The following APBA2 variants were observed in gnomAD, a reference collection of about 807,000 sequenced individuals.
APBA2 encodes the protein amyloid beta precursor protein binding family A member 2.
Under a neutral mutation model 75.0 loss-of-function variants are expected in APBA2, and 30 were observed. The observed-to-expected ratio is 0.40, with a 90% CI of 0.30 to 0.54. The LOEUF (loss-of-function observed/expected upper bound fraction) is 0.54, where lower values mean the gene tolerates loss of function less well. Ranked by LOEUF, APBA2 falls within the 20% of genes least tolerant of loss-of-function variation. The pLI is 0.49. For synonymous variants in APBA2, 444 were observed against 409.6 expected (o/e 1.08, Z -1.01); for missense variants, 801 against 1,016.1 (o/e 0.79, Z 2.88).
At chr15:29,015,147 A>C (rs553865015) in intron 3 of APBA2, among the ~76,000 whole-genome samples, 1 of 152,172 alleles carries the variant, frequency 6.6e-6, no homozygotes, top group African/African-American at 2.4e-5. Flanking sequence ...GTCAAGGGAA[A>C]TAAGGAGAAA....
At chr15:28,892,109 C>T (rs760599900) in intron 1 of APBA2, among the ~76,000 whole-genome samples, 19 of 152,184 alleles carry the variant, frequency 1.2e-4, no homozygotes, top group Admixed American at 3.3e-4. Context: ...GAGTCTCGCC[C>T]TGTCACCCAG....
At chr15:29,101,497 G>A in intron 9 of APBA2, 102 bp from the exon 10 acceptor site, 2 of 1,343,684 alleles carry the variant, frequency 1.5e-6, no homozygotes, top group South Asian at 1.3e-5. Flanking sequence ...CTCCCAAAGT[G>A]CTAGGATTAC....
chr15:29,060,903 G>T (rs2042103449), intron 4 of APBA2, among the ~76,000 whole-genome samples: 1 of 152,142 alleles, frequency 6.6e-6, no homozygotes, highest in East Asian at 1.9e-4. Context: ...TCTACTATCA[G>T]GCAGTGAAGC....
At chr15:29,026,869 C>T (rs551493102) in intron 3 of APBA2, among the ~76,000 whole-genome samples, 23 of 152,200 alleles carry the variant, frequency 1.5e-4, no homozygotes, top group Non-Finnish European at 2.6e-4. Context: ...TGCAGTGAGC[C>T]GAGATCCTGC....
intron 6 of APBA2, 90 bp from the exon 7 acceptor site, chr15:29,092,985 C>T (rs1326062910): frequency 1.2e-5 from 19 of 1,546,150 alleles, no homozygotes; most frequent in Admixed American, 1.7e-5. Flanking sequence ...ATCCTGGCTG[C>T]CGTGTTCCTT....
chr15:28,985,860 G>A (rs1297094155), intron 2 of APBA2, among the ~76,000 whole-genome samples: 1 of 152,186 alleles, frequency 6.6e-6, no homozygotes, highest in Admixed American at 6.5e-5. Context: ...AAGGACAGAT[G>A]TGTTGGTGGC....
intron 3 of APBA2, among the ~76,000 whole-genome samples, chr15:29,042,893 A>G (rs759927961): frequency 2.0e-5 from 3 of 152,096 alleles, no homozygotes; most frequent in African/African-American, 4.8e-5. Flanking sequence ...TTTCTCCAGC[A>G]TGTTAAGAAA....
intron 14 of APBA2, among the ~76,000 whole-genome samples, chr15:29,116,403 T>G (rs369413004): frequency 2.1e-4 from 32 of 151,964 alleles, no homozygotes; most frequent in East Asian, 7.8e-4. Flanking sequence ...GAGGCGGGCG[T>G]ATCACGAGGT....
At chr15:29,081,053 C>T (rs2043062847) in intron 6 of APBA2, among the ~76,000 whole-genome samples, 1 of 152,030 alleles carries the variant, frequency 6.6e-6, no homozygotes, top group African/African-American at 2.4e-5. Flanking sequence ...ATGGAGATTA[C>T]ATGCCCCAGA....
At chr15:29,023,518 C>G (rs1395926056) in intron 3 of APBA2, among the ~76,000 whole-genome samples, 1 of 130,258 alleles carries the variant, frequency 7.7e-6, no homozygotes, top group African/African-American at 2.9e-5. Context: ...TGTAGTGGCG[C>G]GATCTTGGCT....
intron 3 of APBA2, among the ~76,000 whole-genome samples, chr15:29,019,172 A>G (rs1231137633): frequency 2.0e-5 from 3 of 152,088 alleles, no homozygotes; most frequent in Non-Finnish European, 4.4e-5. Flanking sequence ...GTGCTCTTGG[A>G]GTGAGGGCCC....
intron 2 of APBA2, among the ~76,000 whole-genome samples, chr15:28,992,645 G>A (rs546280425): frequency 6.6e-6 from 1 of 152,320 alleles, no homozygotes; most frequent in East Asian, 1.9e-4. Flanking sequence ...TGGATTCTGG[G>A]CTAGTCTAGG....
chr15:28,983,114 G>A (rs901237053), intron 2 of APBA2, among the ~76,000 whole-genome samples: 2 of 152,104 alleles, frequency 1.3e-5, no homozygotes, highest in African/African-American at 2.4e-5. Context: ...CCCTGGAGAG[G>A]CATCACTGTC....
At chr15:29,073,502 C>T (rs1262642935) in intron 4 of APBA2, among the ~76,000 whole-genome samples, 1 of 152,196 alleles carries the variant, frequency 6.6e-6, no homozygotes, top group Non-Finnish European at 1.5e-5. Flanking sequence ...AGGCATCCAC[C>T]ACCATGCCCG....
intron 4 of APBA2, among the ~76,000 whole-genome samples, chr15:29,073,252 C>G (rs1432520449): frequency 6.6e-6 from 1 of 152,244 alleles, no homozygotes; most frequent in Non-Finnish European, 1.5e-5. Context: ...CAGCCCAACA[C>G]TTGGGGTCTC....
intron 13 of APBA2, among the ~76,000 whole-genome samples, chr15:29,112,379 T>C (rs2044781606): frequency 6.6e-6 from 1 of 152,168 alleles, no homozygotes; most frequent in Non-Finnish European, 1.5e-5. Context: ...AGATGAGATA[T>C]GGGCCAGCTG....
At chr15:29,004,498 C>G (rs2039010589) in intron 3 of APBA2, among the ~76,000 whole-genome samples, 1 of 152,160 alleles carries the variant, frequency 6.6e-6, no homozygotes, top group South Asian at 2.1e-4. Flanking sequence ...CTATCAGGAT[C>G]ACCTGGGGAA....
At chr15:28,900,920 C>G (rs2032811275) in intron 1 of APBA2, among the ~76,000 whole-genome samples, 1 of 152,222 alleles carries the variant, frequency 6.6e-6, no homozygotes, top group South Asian at 2.1e-4. Flanking sequence ...ATGCGGCCCA[C>G]TGCCCTGCCC....
Position 29,046,780 on chromosome 15 carries a change from C to G in APBA2, c.-40-7065C>G, listed in dbSNP as rs2041355373. ...CACAAGGACCTCTCCCTGCTTTCCT[C>G]AGTCCCTCCAAGATGCACCCATATC... On this transcript the variant is annotated intron_variant, in intron 3 of 14. Transcript: ENST00000683413. The surrounding 1 kb of genome is among the most constrained non-coding windows in gnomAD (Gnocchi z 5.0). Among the ~76,000 whole-genome samples the G allele has an allele frequency of 6.6e-6, 1 of 152,224 alleles. No individual in the cohort carries two copies. Among genetic ancestry groups the G allele is most frequent in the Admixed American group, 6.5e-5 (1 of 15,286 alleles).
Sources: allele counts gnomAD v4.1 joint callset (sites outside exome capture counted in the v4.1 genomes callset), GRCh38; gene constraint gnomAD v4.1.1; non-coding constraint Gnocchi (gnomAD v3.1); transcripts MANE v1.5; gene names NCBI Gene and HGNC (gene_info 2026-07-23, HGNC 2026-07-21).